The following DBR1 variants were observed in gnomAD, a reference collection of about 807,000 sequenced individuals.
DBR1 encodes debranching RNA lariats 1, also known as lariat debranching enzyme.
DBR1 carries 33 observed loss-of-function variants against 45.9 expected under a neutral mutation model. That is an observed-to-expected ratio of 0.72 (90% CI 0.55 to 0.96). DBR1 has a LOEUF of 0.96. Ranked by LOEUF, DBR1 falls within the 40% of genes least tolerant of loss-of-function variation. The pLI, the probability that DBR1 is intolerant of heterozygous loss-of-function variation, is 0.00. For synonymous variants in DBR1, 235 were observed against 235.9 expected (o/e 1.00, Z 0.04); for missense variants, 619 against 667.4 (o/e 0.93, Z 0.80).
chr3:138,162,692 A>T, intron 7 of DBR1, 110 bp from the exon 8 acceptor site: 1 of 958,890 alleles, frequency 1.0e-6, no homozygotes, highest in Non-Finnish European at 1.5e-6. Flanking sequence ...GCCATCTATC[A>T]AAATTCCATT....
At chr3:138,170,380 T>C (rs766447123) in intron 3 of DBR1, among the ~76,000 whole-genome samples, 188 bp from the exon 4 acceptor site, 3 of 152,136 alleles carry the variant, frequency 2.0e-5, no homozygotes, top group Non-Finnish European at 4.4e-5. Context: ...CAAATAAGGG[T>C]GTATCTGCTT....
At position 138,162,054 on chromosome 3, in the gene DBR1, C is replaced by T. The variant is rs770348383; in HGVS notation, c.1470G>A (p.Glu490=). The change falls in exon 8 of 8, where the codon GAG becomes GAA. Residue 490 remains glutamate, a synonymous_variant. Transcript: ENST00000260803. ...DDTVDSTIDR[E]GKPGGTVESG... is the part of the protein sequence containing the mutation. ...ACTCCACAGTCCCACCAGGTTTCCC[C>T]TCTCTATCAATTGTGGAATCCACCG... 1.1e-5 allele frequency: 18 copies of T among 1,614,010 alleles called. No homozygotes were observed. In the East Asian group the frequency reaches 1.3e-4, roughly 12 times the overall value.
chr3:138,170,714 G>A (rs1350977335), intron 3 of DBR1, among the ~76,000 whole-genome samples: 1 of 152,218 alleles, frequency 6.6e-6, no homozygotes, highest in Non-Finnish European at 1.5e-5. Flanking sequence ...CATTCAGGAT[G>A]TAAGTTTTAG....
chr3:138,174,325 A>G (rs2042968686), intron 1 of DBR1, among the ~76,000 whole-genome samples: 1 of 152,128 alleles, frequency 6.6e-6, no homozygotes, highest in African/African-American at 2.4e-5. Context: ...TTTGAAATGG[A>G]TAAGATGTGT....
intron 7 of DBR1, among the ~76,000 whole-genome samples, chr3:138,163,023 C>A (rs564302165): frequency 1.3e-5 from 2 of 152,146 alleles, no homozygotes; most frequent in African/African-American, 4.8e-5. Flanking sequence ...TTTGGGAGGC[C>A]GAGGGAGGTG....
chr3:138,172,912 G>A (rs2042961621), intron 2 of DBR1, among the ~76,000 whole-genome samples: 1 of 151,934 alleles, frequency 6.6e-6, no homozygotes, highest in Non-Finnish European at 1.5e-5. Flanking sequence ...CATTAAGCAG[G>A]GAAATCTGAC....
chr3:138,163,988 T>A, intron 5 of DBR1, 130 bp from the exon 6 acceptor site: 1 of 570,796 alleles, frequency 1.8e-6, no homozygotes, highest in Non-Finnish European at 3.0e-6. Context: ...GAATGACTGT[T>A]ACTTTTCCAA....
At chr3:138,163,569 A>C in intron 6 of DBR1, 75 bp from the exon 7 acceptor site, 1 of 819,362 alleles carries the variant, frequency 1.2e-6, no homozygotes, top group Non-Finnish European at 1.7e-6. Context: ...AATTTAATAA[A>C]ATAAAAAGGA....
In DBR1 at chr3:138,167,270, ATCAT is replaced by A; in HGVS notation, c.521_524del (p.His174LeufsTer31). The A allele has an allele frequency of 6.2e-7, 1 of 1,611,198 alleles. No homozygotes were observed. Reference sequence around the variant, plus strand: ...CATAATGATATATACTTCTTGGCCAATCATGAGACAAGAATATATCTATAGGCTG... The same window carrying A: ...CATAATGATATATACTTCTTGGCCAAGAGACAAGAATATATCTATAGGCTG... On this transcript the variant is annotated frameshift_variant, in exon 5 of 8. Coordinates refer to ENST00000260803, the MANE Select transcript of DBR1 (RefSeq NM_016216.4). LOFTEE classifies it high-confidence loss of function.
chr3:138,165,855 G>C (rs143452908), intron 5 of DBR1, among the ~76,000 whole-genome samples: 280 of 152,342 alleles, frequency 1.8e-3, no homozygotes, highest in African/African-American at 6.4e-3. Flanking sequence ...AGAGGAAGTT[G>C]AGGAGACAAT....
Position 138,161,988 on chromosome 3 carries a change from C to T in DBR1, c.1536G>A (p.Arg512=). The stretch of plus-strand genomic sequence containing the variant: ...GTTCAGGTTCATGTTCATCACTCAG[C>T]CTCTTCAATGGCACCTTGGTTAAGT... ...GEDLTKVPLK[R]LSDEHEPEQR... The change falls in exon 8 of 8, where the codon AGG becomes AGA. Residue 512 remains arginine (R), a synonymous_variant. Coordinates refer to ENST00000260803, the MANE Select transcript of DBR1 (RefSeq NM_016216.4). The T allele has an allele frequency of 6.8e-6, 11 of 1,614,178 alleles. 1 individual carries two copies. The South Asian group carries it at 1.2e-4, about 18-fold the overall frequency.
At chr3:138,163,962 A>G (rs1217634027) in intron 5 of DBR1, 104 bp from the exon 6 acceptor site, 1 of 697,436 alleles carries the variant, frequency 1.4e-6, no homozygotes, top group South Asian at 2.1e-5. Flanking sequence ...ACATACCCCT[A>G]AGTTGTGTGT....
Position 138,174,854 on chromosome 3 carries a change from G to C in DBR1, c.-59C>G. 6.5e-7 allele frequency: 1 copy of C among 1,533,924 alleles called. No individual in the cohort carries two copies. On this transcript the variant is annotated 5_prime_UTR_variant, in exon 1 of 8. Coordinates refer to ENST00000260803, the MANE Select transcript of DBR1 (RefSeq NM_016216.4). ...ACGCCCTACACCACAGCCAGCCCAG[G>C]ACCGACTGATCGCTCAGCTCCCGCC...
rs1220673925 is a variant in DBR1, at chr3:138,162,357, T to C, written c.1167A>G (p.Glu389=). Residue 389 remains glutamate, a synonymous_variant, in exon 8 of 8, where the codon GAA becomes GAG. Transcript: ENST00000260803. ...CTTCATATTCACCACACACATGATG[T>C]TCTTCCTTGGACTTCTGAAGCCTAA... The part of the protein sequence containing the change: ...INVRLQKSKE[E]HHVCGEYEEQ... The C allele has an allele frequency of 1.2e-6, 2 of 1,614,196 alleles. No homozygotes were observed. The highest frequency in any genetic ancestry group is 1.1e-5 in the South Asian group (1 of 91,088).
intron 2 of DBR1, 129 bp from the exon 3 acceptor site, chr3:138,171,842 G>T (rs1362820211): frequency 1.5e-6 from 1 of 688,348 alleles, no homozygotes; most frequent in East Asian, 2.7e-5. Context: ...CCATGATGAG[G>T]TTATGCTTTT....
In DBR1 at chr3:138,161,614, G is replaced by A; in HGVS notation, c.*275C>T. On this transcript the variant is annotated 3_prime_UTR_variant, in exon 8 of 8. Coordinates refer to ENST00000260803, the MANE Select transcript of DBR1 (RefSeq NM_016216.4). Reference sequence around the variant, plus strand: ...TAATCCCAGCACTTTAGAAGGCCAAGACAGGTGGATCGCCTGAGGTCAGGA... The same window carrying A: ...TAATCCCAGCACTTTAGAAGGCCAAAACAGGTGGATCGCCTGAGGTCAGGA... 1 of 352,866 alleles carries A rather than the reference G, an allele frequency of 2.8e-6. No homozygotes were observed. Among genetic ancestry groups the A allele is most frequent in the South Asian group, 3.2e-5 (1 of 31,678 alleles). The allele number at this position is 352,866 out of a possible 1,614,324, so 21.9% of individuals were successfully genotyped here. A position where few individuals can be genotyped will look rare whatever the true frequency, so the allele number is the denominator to read the frequency against.
intron 3 of DBR1, 154 bp downstream of exon 3, chr3:138,171,475 CAAAA>C (rs906867666): frequency 0.022 from 1,536 of 68,792 alleles, no homozygotes; most frequent in Middle Eastern, 0.027. Flanking sequence ...AACTCTGTCT[CAAAA>C]AAAAAAAAAA....
At chr3:138,174,566 CA>C in intron 1 of DBR1, 32 bp downstream of exon 1, 6 of 1,539,484 alleles carry the variant, frequency 3.9e-6, no homozygotes, top group Admixed American at 1.8e-5. Context: ...CCCACCCCCC[CA>C]CCGCCAAGTC....
rs2042970259 is a variant in DBR1, at chr3:138,174,599, C to T, written c.197G>A (p.Arg66Lys). ...PKYRHMQTFYRYYSGEKKAPV... is the reference protein window; with the variant it reads ...PKYRHMQTFYKYYSGEKKAPV... ...AGTCCGGGCCCGGCCGCGTCCTCAC[C>T]TGTAGAAGGTTTGCATGTGACGATA... The change falls in exon 1 of 8, where the codon AGG (arginine) becomes AAG (lysine). Residue 66 changes from arginine to lysine, a missense_variant and splice_region_variant. Around this residue, in one of 3 missense-constraint regions of DBR1, gnomAD observed 430 missense variants for 447.7 expected, o/e 0.96. Coordinates refer to ENST00000260803, the MANE Select transcript of DBR1 (RefSeq NM_016216.4). 1 of 1,606,546 alleles carries T rather than the reference C, an allele frequency of 6.2e-7. No homozygotes were observed. The highest frequency in any genetic ancestry group is 8.5e-7 in the Non-Finnish European group (1 of 1,176,500).
Sources: allele counts gnomAD v4.1 joint callset (sites outside exome capture counted in the v4.1 genomes callset), GRCh38; gene constraint gnomAD v4.1.1; regional missense constraint gnomAD v4.1.1; transcripts MANE v1.5; gene names NCBI Gene and HGNC (gene_info 2026-07-23, HGNC 2026-07-21).